ST8SIA2: variants seen among roughly 807,000 people sequenced by gnomAD.
The protein encoded by ST8SIA2 is ST8 alpha-N-acetyl-neuraminide alpha-2,8-sialyltransferase 2.
A neutral mutation model predicts 37.6 loss-of-function variants in ST8SIA2; 22 were observed. The ratio of observed to expected loss-of-function variants is 0.58; its 90% CI spans 0.42 to 0.83. The LOEUF (loss-of-function observed/expected upper bound fraction) is 0.83, where lower values mean the gene tolerates loss of function less well. Among genes scored for constraint, ST8SIA2 ranks in the 40% least tolerant of loss-of-function variants. The pLI, the probability that ST8SIA2 is intolerant of heterozygous loss-of-function variation, is 0.00. For missense variants in ST8SIA2, 382 were observed against 484.7 expected (o/e 0.79, Z 1.99); for synonymous variants, 205 against 201.2 (o/e 1.02, Z -0.16).
intron 4 of ST8SIA2, among the ~76,000 whole-genome samples, chr15:92,439,517 G>T (rs991539733): frequency 2.0e-5 from 3 of 152,146 alleles, no homozygotes; most frequent in African/African-American, 7.2e-5. Flanking sequence ...TGGCAGAACC[G>T]CAAACGTTCT....
chr15:92,434,500 G>C (rs997082872), intron 3 of ST8SIA2, 125 bp downstream of exon 3: 1 of 1,405,974 alleles, frequency 7.1e-7, no homozygotes, highest in South Asian at 1.2e-5. Flanking sequence ...ACTGAGGCAG[G>C]TTTCATCTGT....
chr15:92,411,192 G>T (rs1350106102), intron 1 of ST8SIA2, among the ~76,000 whole-genome samples: 1 of 152,180 alleles, frequency 6.6e-6, no homozygotes, highest in Non-Finnish European at 1.5e-5. Flanking sequence ...TGAGCAGATG[G>T]TTCAAACATT....
chr15:92,407,887 C>T (rs778600226), intron 1 of ST8SIA2, among the ~76,000 whole-genome samples: 1 of 152,092 alleles, frequency 6.6e-6, no homozygotes. Flanking sequence ...TTAAGTGAGT[C>T]AATTTAAAGG....
chr15:92,459,403 C>T (rs1047543360), intron 5 of ST8SIA2, among the ~76,000 whole-genome samples: 2 of 152,134 alleles, frequency 1.3e-5, no homozygotes, highest in Non-Finnish European at 2.9e-5. Context: ...GAACCAGGAG[C>T]CTCAGATGCC....
In ST8SIA2 at chr15:92,434,237, T is replaced by G; in HGVS notation, c.162-10T>G. 1.2e-6 allele frequency: 2 copies of G among 1,614,018 alleles called. No individual in the cohort carries two copies. Among genetic ancestry groups the G allele is most frequent in the South Asian group, 1.1e-5 (1 of 91,076 alleles). ...CATGTCTACCCTCTTTCTTTTTTTT[T>G]CCCTTCCAGAGCTGAAGTTGTAATA... On this transcript the variant is annotated splice_polypyrimidine_tract_variant and intron_variant, in intron 2 of 5. Transcript: ENST00000268164.
intron 1 of ST8SIA2, among the ~76,000 whole-genome samples, chr15:92,409,778 G>A (rs180715688): frequency 4.7e-4 from 72 of 152,304 alleles, no homozygotes; most frequent in Middle Eastern, 3.4e-3. Context: ...GCGTCAGGAC[G>A]GTTTCCTGGT....
At chr15:92,401,520 G>C (rs1166521880) in intron 1 of ST8SIA2, among the ~76,000 whole-genome samples, 1 of 152,226 alleles carries the variant, frequency 6.6e-6, no homozygotes, top group East Asian at 1.9e-4. Context: ...CAACTGGGGA[G>C]AGCAGCGGCC....
intron 1 of ST8SIA2, among the ~76,000 whole-genome samples, chr15:92,399,137 A>G (rs2387806): frequency 0.14 from 21,429 of 152,242 alleles, 2,295 homozygotes; most frequent in East Asian, 0.44. Flanking sequence ...GGCTAAAGTG[A>G]CAGGAGGAAG....
intron 1 of ST8SIA2, among the ~76,000 whole-genome samples, chr15:92,395,446 C>G (rs1315896141): frequency 6.6e-6 from 1 of 152,172 alleles, no homozygotes; most frequent in Non-Finnish European, 1.5e-5. Flanking sequence ...CCGCTTCCTG[C>G]TCTCATTTTC....
At chr15:92,462,212 C>T (rs149687221) in intron 5 of ST8SIA2, among the ~76,000 whole-genome samples, 5 of 152,244 alleles carry the variant, frequency 3.3e-5, no homozygotes, top group Non-Finnish European at 7.4e-5. Context: ...TCAAGTCACC[C>T]CAGCCCCATA....
At chr15:92,418,089 G>C (rs1474532896) in intron 1 of ST8SIA2, among the ~76,000 whole-genome samples, 1 of 152,080 alleles carries the variant, frequency 6.6e-6, no homozygotes, top group African/African-American at 2.4e-5. Flanking sequence ...TGCTTGCTGG[G>C]TGGCCCTGGG....
chr15:92,457,552 C>A (rs950044068), intron 5 of ST8SIA2, among the ~76,000 whole-genome samples: 1 of 152,114 alleles, frequency 6.6e-6, no homozygotes, highest in Non-Finnish European at 1.5e-5. Flanking sequence ...CCGGATGCAC[C>A]CAGCTAACCT....
intron 1 of ST8SIA2, among the ~76,000 whole-genome samples, chr15:92,400,256 T>C (rs1432219548): frequency 6.6e-6 from 1 of 152,218 alleles, no homozygotes; most frequent in East Asian, 1.9e-4. Flanking sequence ...CACCCCATCA[T>C]GCAGCACCCC....
intron 5 of ST8SIA2, among the ~76,000 whole-genome samples, chr15:92,454,103 A>G (rs1412353953): frequency 1.3e-5 from 2 of 152,180 alleles, no homozygotes; most frequent in African/African-American, 4.8e-5. Flanking sequence ...AATCAGGGCT[A>G]CCGTAACAGC....
At position 92,454,900 on chromosome 15, in the gene ST8SIA2, C is replaced by CACAGAG. The variant is rs2049909536; in HGVS notation, c.843-9197_843-9192dup. ...TACAACATCGAAGGAGGCTGCGACC[C>CACAGAG]ACAGAGACGGTGGCCCCTCAGGCAG... is the stretch of plus-strand genomic sequence containing the variant. On this transcript the variant is annotated intron_variant, in intron 5 of 5. Transcript: ENST00000268164. Among the ~76,000 whole-genome samples, 2 of 152,038 alleles carry CACAGAG rather than the reference C, an allele frequency of 1.3e-5. 1 individual carries two copies. The highest frequency in any genetic ancestry group is 4.2e-4 in the South Asian group (2 of 4,808).
At chr15:92,416,510 G>A (rs2049588089) in intron 1 of ST8SIA2, among the ~76,000 whole-genome samples, 1 of 152,174 alleles carries the variant, frequency 6.6e-6, no homozygotes, top group African/African-American at 2.4e-5. Context: ...ATCCTGAGGG[G>A]CTGGGAAAGA....
At chr15:92,455,475 A>G (rs1364724900) in intron 5 of ST8SIA2, among the ~76,000 whole-genome samples, 2 of 152,222 alleles carry the variant, frequency 1.3e-5, no homozygotes, top group Non-Finnish European at 2.9e-5. Flanking sequence ...CCTCCACAGA[A>G]GCAAGCTGTT....
chr15:92,420,133 G>T lies in ST8SIA2; in HGVS notation c.99-9916G>T, dbSNP rs1192431352. 2.0e-5 allele frequency among the ~76,000 whole-genome samples: 3 copies of T among 152,254 alleles called. No individual in the cohort carries two copies. The East Asian group carries it at 5.8e-4, about 29-fold the overall frequency. On this transcript the variant is annotated intron_variant, in intron 1 of 5. Transcript: ENST00000268164. ...GCCTGCCTTGGCCTCCCAAAGTGCT[G>T]GGATTACAAGTATGAGCCACTGCAC...
chr15:92,443,981 A>C (rs2049822300), intron 4 of ST8SIA2, among the ~76,000 whole-genome samples: 1 of 152,130 alleles, frequency 6.6e-6, no homozygotes, highest in African/African-American at 2.4e-5. Context: ...CTTGTCCACT[A>C]ACAGACTTCT....
Sources: allele counts gnomAD v4.1 joint callset (sites outside exome capture counted in the v4.1 genomes callset), GRCh38; gene constraint gnomAD v4.1.1; transcripts MANE v1.5; gene names NCBI Gene and HGNC (gene_info 2026-07-23, HGNC 2026-07-21).